PCDHA1: variants seen among roughly 807,000 people sequenced by gnomAD.
PCDHA1 encodes protocadherin alpha 1.
In PCDHA1, 42 loss-of-function variants were observed where a neutral mutation model predicts 61.3. The observed-to-expected ratio is 0.69, with a 90% CI of 0.54 to 0.89. PCDHA1 has a LOEUF of 0.89. Among genes scored for constraint, PCDHA1 ranks in the 40% least tolerant of loss-of-function variants. The pLI is 0.00. For missense variants in PCDHA1, 1,256 were observed against 1,235.3 expected (o/e 1.02, Z -0.25); for synonymous variants, 610 against 553.8 (o/e 1.10, Z -1.43).
chr5:140,953,536 A>G (rs2094900021), intron 1 of PCDHA1, among the ~76,000 whole-genome samples: 1 of 152,124 alleles, frequency 6.6e-6, no homozygotes, highest in Non-Finnish European at 1.5e-5. Flanking sequence ...AACTCACTTC[A>G]TGCTGATTCT....
intron 1 of PCDHA1, chr5:140,829,448 C>G (rs1770312279): frequency 1.9e-6 from 3 of 1,613,964 alleles, no homozygotes. Context: ...TGACAATGCT[C>G]CGGCGTTCGC....
At chr5:140,926,340 C>G (rs2083154977) in intron 1 of PCDHA1, 1 of 152,400 alleles carries the variant, frequency 6.6e-6, no homozygotes, top group Non-Finnish European at 1.5e-5. Flanking sequence ...GCGCCGGGAC[C>G]CGACGCGCGG....
chr5:140,843,762 T>G, intron 1 of PCDHA1: 4 of 1,493,648 alleles, frequency 2.7e-6, no homozygotes, highest in Non-Finnish European at 3.7e-6. Context: ...TTGTGGAAAT[T>G]GTAGTTACTT....
intron 1 of PCDHA1, chr5:140,849,719 G>C: frequency 1.3e-6 from 2 of 1,598,560 alleles, no homozygotes; most frequent in South Asian, 1.1e-5. Context: ...ACTCGTTGGT[G>C]CTGGACAGAG....
In PCDHA1 at chr5:140,795,367, A is replaced by G. The variant is rs782169407; in HGVS notation, c.2394+6683A>G. 8.1e-6 allele frequency: 13 copies of G among 1,614,178 alleles called. No homozygotes were observed. The highest frequency in any genetic ancestry group is 2.7e-5 in the African/African-American group (2 of 75,032). ...TAACGACAACCCGCCAATATTTCCA[A>G]TGACAGTAAAGACTATCCGGTTTCC... On this transcript the variant is annotated intron_variant, in intron 1 of 3. Transcript: ENST00000504120.
At chr5:140,796,963 G>C in intron 1 of PCDHA1, 4 of 1,613,862 alleles carry the variant, frequency 2.5e-6, no homozygotes, top group Non-Finnish European at 2.5e-6. Flanking sequence ...CACCGTGTTA[G>C]TGTCGTTGGT....
At chr5:140,995,082 C>G (rs145784301) in intron 3 of PCDHA1, among the ~76,000 whole-genome samples, 5 of 152,334 alleles carry the variant, frequency 3.3e-5, no homozygotes, top group Admixed American at 3.3e-4. Context: ...GCAATCCAAA[C>G]TTATCTGTGG....
At chr5:140,801,670 C>A in intron 1 of PCDHA1, 1 of 1,614,208 alleles carries the variant, frequency 6.2e-7, no homozygotes, top group Non-Finnish European at 8.5e-7. Context: ...GAGGGCGCAT[C>A]AGATGCAGAT....
chr5:140,921,233 T>C lies in PCDHA1; in HGVS notation c.2395-57716T>C, dbSNP rs1431130539. 2.6e-5 allele frequency among the ~76,000 whole-genome samples: 4 copies of C among 152,162 alleles called. No individual in the cohort carries two copies. The East Asian group carries it at 5.8e-4, about 22-fold the overall frequency. ...TTCACGTCTTTTTTGCTAGATGATATTAAGCCACAGATCAAAAAGTCCTAG... is the reference window on the plus strand; with the variant it reads ...TTCACGTCTTTTTTGCTAGATGATACTAAGCCACAGATCAAAAAGTCCTAG... On this transcript the variant is annotated intron_variant, in intron 1 of 3. Coordinates refer to ENST00000504120, the MANE Select transcript of PCDHA1 (RefSeq NM_018900.4).
intron 1 of PCDHA1, chr5:140,883,287 T>A: frequency 6.2e-7 from 1 of 1,613,984 alleles, no homozygotes; most frequent in Non-Finnish European, 8.5e-7. Context: ...TTGGTGGAAG[T>A]ACTAGATGTA....
chr5:140,841,586 C>T (rs1327577851), intron 1 of PCDHA1: 1 of 1,614,026 alleles, frequency 6.2e-7, no homozygotes, highest in Non-Finnish European at 8.5e-7. Flanking sequence ...TGTGAATTCT[C>T]GGATCGACCG....
At chr5:140,824,617 T>TTTTTTTTTTG (rs1768243563) in intron 1 of PCDHA1, 1 of 128,156 alleles carries the variant, frequency 7.8e-6, no homozygotes, top group African/African-American at 3.5e-5. Context: ...AAAGTTTTTT[T>TTTTTTTTTTG]TTTTTTTTTT....
At chr5:140,857,819 G>A in intron 1 of PCDHA1, 1 of 1,597,752 alleles carries the variant, frequency 6.3e-7, no homozygotes, top group Non-Finnish European at 8.6e-7. Context: ...TCACGTGGTG[G>A]CTAAGGTGCG....
At chr5:140,824,290 T>G (rs1414712153) in intron 1 of PCDHA1, 1 of 971,324 alleles carries the variant, frequency 1.0e-6, no homozygotes, top group African/African-American at 1.6e-5. Flanking sequence ...TTTATGAGGC[T>G]TTTCTGCTGG....
intron 1 of PCDHA1, chr5:140,870,699 C>T (rs1160091003): frequency 6.2e-7 from 1 of 1,613,004 alleles, no homozygotes. Flanking sequence ...TGCTACAGTT[C>T]CAGGTGAGCG....
At chr5:140,850,915 T>G (rs2041875502) in intron 1 of PCDHA1, 1 of 1,529,718 alleles carries the variant, frequency 6.5e-7, no homozygotes. Flanking sequence ...ATTTTATTTA[T>G]TTATATAATT....
In PCDHA1 at chr5:140,969,008, G is replaced by C. The variant is rs782541476; in HGVS notation, c.2395-9941G>C. 29 of 1,614,076 alleles carry C rather than the reference G, an allele frequency of 1.8e-5. 1 individual carries two copies. In the Admixed American group the frequency reaches 4.8e-4, roughly 27 times the overall value. Reference sequence around the variant, plus strand: ...TGCATGCTGTGGAGGCTTCTGTGGAGTAAGGGAAAGGTCCCCTGCAGAACT... The same window carrying C: ...TGCATGCTGTGGAGGCTTCTGTGGACTAAGGGAAAGGTCCCCTGCAGAACT... On this transcript the variant is annotated intron_variant, in intron 1 of 3. Coordinates refer to ENST00000504120, the MANE Select transcript of PCDHA1 (RefSeq NM_018900.4).
rs150677637 is a variant in PCDHA1, at chr5:140,857,404, T to A, written c.2394+68720T>A. Reference sequence around the variant, plus strand: ...TGGCCGACGTGAACGACAACGCGCCTGCGTTCGCGCAGTCCGAGTACACGG... The same window carrying A: ...TGGCCGACGTGAACGACAACGCGCCAGCGTTCGCGCAGTCCGAGTACACGG... On this transcript the variant is annotated intron_variant, in intron 1 of 3. Transcript: ENST00000504120. 5,154 of 1,597,952 alleles carry A rather than the reference T, an allele frequency of 3.2e-3. 410 individuals carry two copies. In the African/African-American group the frequency reaches 0.057, roughly 18 times the overall value.
At chr5:140,848,313 C>T in intron 1 of PCDHA1, 1 of 730,618 alleles carries the variant, frequency 1.4e-6, no homozygotes, top group Non-Finnish European at 2.3e-6. Context: ...CACTCTTTGC[C>T]GCGATGTTCT....
Sources: allele counts gnomAD v4.1 joint callset (sites outside exome capture counted in the v4.1 genomes callset), GRCh38; gene constraint gnomAD v4.1.1; transcripts MANE v1.5; gene names NCBI Gene and HGNC (gene_info 2026-07-23, HGNC 2026-07-21).